SUSD5: variants seen among roughly 807,000 people sequenced by gnomAD.
SUSD5 encodes the protein sushi domain-containing protein 5.
In SUSD5, 33 loss-of-function variants were observed where a neutral mutation model predicts 29.5. The ratio of observed to expected loss-of-function variants is 1.12; its 90% CI spans 0.85 to 1.49. The LOEUF is 1.49. SUSD5 is among the 40% of genes most tolerant of loss of function. SUSD5 has a pLI of 0.00. For missense variants in SUSD5, 776 were observed against 800.6 expected (o/e 0.97, Z 0.37); for synonymous variants, 308 against 325.3 (o/e 0.95, Z 0.57).
At chr3:33,175,404 G>A (rs997824789) in intron 3 of SUSD5, among the ~76,000 whole-genome samples, 1 of 152,074 alleles carries the variant, frequency 6.6e-6, no homozygotes, top group African/African-American at 2.4e-5. Flanking sequence ...CCTTTTTGCC[G>A]TATTTTATAA....
intron 4 of SUSD5, among the ~76,000 whole-genome samples, chr3:33,166,720 GA>G (rs760103133): frequency 1.4e-4 from 21 of 152,214 alleles, no homozygotes; most frequent in Non-Finnish European, 3.1e-4. Flanking sequence ...GTGAAGAGAT[GA>G]ATTAGTGGGT....
chr3:33,159,094 C>T (rs1249097787), intron 4 of SUSD5, among the ~76,000 whole-genome samples: 1 of 152,160 alleles, frequency 6.6e-6, no homozygotes, highest in African/African-American at 2.4e-5. Flanking sequence ...TTGTGCTGAA[C>T]TCAGTCAGCA....
chr3:33,218,562 G>C, intron 1 of SUSD5, 124 bp downstream of exon 1: 5 of 897,138 alleles, frequency 5.6e-6, no homozygotes, highest in African/African-American at 1.7e-5. Context: ...CGGCTCGTTC[G>C]TTCCTCTCAG....
intron 4 of SUSD5, among the ~76,000 whole-genome samples, chr3:33,169,730 T>C (rs951301895): frequency 2.6e-5 from 4 of 152,120 alleles, no homozygotes; most frequent in Admixed American, 2.6e-4. Flanking sequence ...ACAAAAGCTG[T>C]ACATTTGCTG....
intron 4 of SUSD5, among the ~76,000 whole-genome samples, chr3:33,164,291 T>G (rs911538706): frequency 6.6e-6 from 1 of 152,170 alleles, no homozygotes; most frequent in Non-Finnish European, 1.5e-5. Context: ...AGTAGTCACA[T>G]TTATAGAAAC....
rs10662721 is a variant in SUSD5, at chr3:33,192,819, A to AATAT, written c.409+14985_409+14988dup. Among the ~76,000 whole-genome samples the AATAT allele has an allele frequency of 1.1e-4, 16 of 151,218 alleles. No homozygotes were observed. The South Asian group carries it at 2.1e-3, about 20-fold the overall frequency. On this transcript the variant is annotated intron_variant, in intron 3 of 4. Coordinates refer to ENST00000309558, the MANE Select transcript of SUSD5 (RefSeq NM_015551.2). ...GTGACAGAGTGAGACTCTGTCAAAAAATATATATATATAATCTAATAATTC... is the reference window on the plus strand; with the variant it reads ...GTGACAGAGTGAGACTCTGTCAAAAAATATATATATATATATAATCTAATAATTC...
intron 4 of SUSD5, among the ~76,000 whole-genome samples, chr3:33,174,337 A>G (rs1215908395): frequency 1.3e-5 from 2 of 152,026 alleles, no homozygotes; most frequent in African/African-American, 4.8e-5. Flanking sequence ...GTGTGGATCA[A>G]TAGTGCTTGG....
At chr3:33,208,358 G>A (rs2032262672) in intron 2 of SUSD5, among the ~76,000 whole-genome samples, 1 of 152,012 alleles carries the variant, frequency 6.6e-6, no homozygotes, top group African/African-American at 2.4e-5. Flanking sequence ...GTTTGGGTAT[G>A]TACATTTTTA....
At chr3:33,165,076 T>C (rs2031277213) in intron 4 of SUSD5, among the ~76,000 whole-genome samples, 1 of 151,970 alleles carries the variant, frequency 6.6e-6, no homozygotes, top group Admixed American at 6.6e-5. Flanking sequence ...TCTAGAGGAA[T>C]ACATGTAACA....
rs915548574 is a variant in SUSD5, at chr3:33,204,985, C to T, written c.409+2823G>A. Among the ~76,000 whole-genome samples, 1 of 151,782 alleles carries T rather than the reference C, an allele frequency of 6.6e-6. No individual in the cohort carries two copies. The highest frequency in any genetic ancestry group is 2.4e-5 in the African/African-American group (1 of 41,274). On this transcript the variant is annotated intron_variant, in intron 3 of 4. Coordinates refer to ENST00000309558, the MANE Select transcript of SUSD5 (RefSeq NM_015551.2). This position sits in a 1 kb window ranked among gnomAD's most constrained non-coding sequence, Gnocchi z 4.5. ...CTCTCTCCACACCTCTTCCTCTCTC[C>T]ACACCACACACACACACGTGTGTGT...
At chr3:33,215,100 C>CA (rs1018122755) in intron 1 of SUSD5, among the ~76,000 whole-genome samples, 109 of 150,706 alleles carry the variant, frequency 7.2e-4, no homozygotes, top group African/African-American at 2.4e-3. Context: ...AATAAAAATA[C>CA]AAAAAAAAAT....
intron 4 of SUSD5, among the ~76,000 whole-genome samples, chr3:33,155,980 T>C (rs963674825): frequency 2.6e-5 from 4 of 152,286 alleles, no homozygotes; most frequent in Non-Finnish European, 5.9e-5. Context: ...TGTTTATTCT[T>C]GATAATTCAT....
chr3:33,160,908 A>T (rs1051347789), intron 4 of SUSD5, among the ~76,000 whole-genome samples: 2 of 152,212 alleles, frequency 1.3e-5, no homozygotes, highest in African/African-American at 4.8e-5. Flanking sequence ...AAAACCAAAG[A>T]CAGAAGAACG....
intron 3 of SUSD5, among the ~76,000 whole-genome samples, chr3:33,178,647 C>T (rs1013904095): frequency 1.3e-5 from 2 of 152,068 alleles, no homozygotes; most frequent in African/African-American, 4.8e-5. Context: ...AGGGTTTCAC[C>T]GTGTTAGCCA....
chr3:33,198,647 A>G (rs1012439059), intron 3 of SUSD5, among the ~76,000 whole-genome samples: 1 of 152,078 alleles, frequency 6.6e-6, no homozygotes, highest in Non-Finnish European at 1.5e-5. Context: ...TCTTATCCCA[A>G]TCTGTTCAGC....
chr3:33,214,144 A>G (rs568458138), intron 1 of SUSD5, 39 bp from the exon 2 acceptor site: 2 of 1,542,802 alleles, frequency 1.3e-6, no homozygotes, highest in Non-Finnish European at 1.8e-6. Context: ...GGATTTCAGG[A>G]TCCATGGGAA....
chr3:33,182,079 A>G (rs901313590), intron 3 of SUSD5, among the ~76,000 whole-genome samples: 6 of 152,240 alleles, frequency 3.9e-5, no homozygotes, highest in Admixed American at 1.3e-4. Context: ...ATTCACTGCT[A>G]TAAGTTTGCC....
In SUSD5 at chr3:33,216,844, T is replaced by C. The variant is rs116668400; in HGVS notation, c.112+1842A>G. ...TACCAAAAAGAATCCTTTGATAATATAGCTTATAACTCTTCCTGGTTCTAG... is the reference window on the plus strand; with the variant it reads ...TACCAAAAAGAATCCTTTGATAATACAGCTTATAACTCTTCCTGGTTCTAG... On this transcript the variant is annotated intron_variant, in intron 1 of 4. Transcript: ENST00000309558. Among the ~76,000 whole-genome samples the C allele has an allele frequency of 7.4e-3, 1,129 of 152,298 alleles. 15 individuals carry two copies. The highest frequency in any genetic ancestry group is 0.025 in the African/African-American group (1,053 of 41,562).
At position 33,153,587 on chromosome 3, in the gene SUSD5, GC is replaced by G. The variant is rs2125612433; in HGVS notation, c.1044del (p.Pro349HisfsTer15). On this transcript the variant is annotated frameshift_variant, in exon 5 of 5. Coordinates refer to ENST00000309558, the MANE Select transcript of SUSD5 (RefSeq NM_015551.2). LOFTEE classifies it low-confidence loss of function (END_TRUNC). ...VIYGNTDGPS[G>X]PFVGKNDSKA... ...TTGCTGTCATTCTTGCCCACAAATG[GC>G]CCCGAGGGACCATCAGTGTTGCCGT... 1 of 1,613,938 alleles carries G rather than the reference GC, an allele frequency of 6.2e-7. No homozygotes were observed. Among genetic ancestry groups the G allele is most frequent in the Non-Finnish European group, 8.5e-7 (1 of 1,179,884 alleles).
Sources: allele counts gnomAD v4.1 joint callset (sites outside exome capture counted in the v4.1 genomes callset), GRCh38; gene constraint gnomAD v4.1.1; non-coding constraint Gnocchi (gnomAD v3.1); transcripts MANE v1.5; gene names NCBI Gene and HGNC (gene_info 2026-07-23, HGNC 2026-07-21).